CD99: variants seen among roughly 807,000 people sequenced by gnomAD.
CD99 encodes the protein CD99 molecule (Xg blood group).
A neutral mutation model predicts 28.4 loss-of-function variants in CD99; 19 were observed. That is an observed-to-expected ratio of 0.67 (90% CI 0.47 to 0.98). The LOEUF (loss-of-function observed/expected upper bound fraction) is 0.98, where lower values mean the gene tolerates loss of function less well. Ranked by LOEUF, CD99 falls within the 50% of genes least tolerant of loss-of-function variation. CD99 has a pLI of 0.00. For synonymous variants in CD99, 103 were observed against 92.1 expected, an observed-to-expected ratio of 1.12 and a Z score of -0.67; for missense variants, 283 against 248.8, an observed-to-expected ratio of 1.14 and a Z score of -0.92.
intron 2 of CD99, chrX:2,715,394 C>T (rs1304266863): frequency 1.3e-5 from 2 of 152,420 alleles, no homozygotes; most frequent in Non-Finnish European, 2.9e-5. Context: ...AGGGTCCTTC[C>T]TGCCTCTTGC....
intron 6 of CD99, 55 bp from the exon 7 acceptor site, chrX:2,723,259 G>A (rs1002146190): frequency 2.0e-5 from 32 of 1,591,984 alleles, no homozygotes; most frequent in Non-Finnish European, 2.6e-5. Context: ...TCCTGGCTGT[G>A]AATTTTTCCT....
At position 2,740,875 on chromosome X, in the gene CD99, AG is replaced by A. The variant is rs1263320872; in HGVS notation, c.*73del. On this transcript the variant is annotated 3_prime_UTR_variant, in exon 10 of 10. Coordinates refer to ENST00000381192, the MANE Select transcript of CD99 (RefSeq NM_002414.5). ...ACAGCTGCCTGAGGCTCCTCCCTGAAGGACACCTGCCTGAGAGCAGAGATGG... is the reference window on the plus strand; with the variant it reads ...ACAGCTGCCTGAGGCTCCTCCCTGAAGACACCTGCCTGAGAGCAGAGATGG... 2 of 1,536,234 alleles carry A rather than the reference AG, an allele frequency of 1.3e-6. No homozygotes were observed. The highest frequency in any genetic ancestry group is 1.8e-6 in the Non-Finnish European group (2 of 1,109,026).
At chrX:2,705,201 C>A (rs1391910339) in intron 1 of CD99, among the ~76,000 whole-genome samples, 2 of 152,206 alleles carry the variant, frequency 1.3e-5, no homozygotes, top group Non-Finnish European at 2.9e-5. Context: ...GCGGTTAAAT[C>A]TAAAGTGTAG....
At position 2,709,562 on chromosome X, in the gene CD99, T is replaced by C. The variant is rs771133029; in HGVS notation, c.68-4860T>C. On this transcript the variant is annotated intron_variant, in intron 1 of 9. Coordinates refer to ENST00000381192, the MANE Select transcript of CD99 (RefSeq NM_002414.5). ...AGTGCAATACATATATGCATGCACA[T>C]GTGTGCCCACACCATACACCCACAC... Among the ~76,000 whole-genome samples the C allele has an allele frequency of 8.8e-4, 134 of 152,380 alleles. No individual in the cohort carries two copies. The Middle Eastern group carries it at 0.01, about 12-fold the overall frequency.
chrX:2,741,173 G>A lies in CD99; in HGVS notation c.*369G>A, dbSNP rs1027063038. ...TACAAATCACGTGTCCATCGAGCAC[G>A]TCTGAAACCCCTGGTAGCCCCGACT... On this transcript the variant is annotated 3_prime_UTR_variant, in exon 10 of 10. Transcript: ENST00000381192. 15 of 279,030 alleles carry A rather than the reference G, an allele frequency of 5.4e-5. No individual in the cohort carries two copies. The highest frequency in any genetic ancestry group is 8.0e-5 in the Non-Finnish European group (12 of 150,380). The allele number at this position is 279,030 out of a possible 1,614,324, so 17.3% of individuals were successfully genotyped here.
chrX:2,714,701 A>G (rs1361140876), intron 2 of CD99: 1 of 381,872 alleles, frequency 2.6e-6, no homozygotes, highest in African/African-American at 2.1e-5. Context: ...TAAAAAATGC[A>G]GATACAGAGA....
chrX:2,729,928 G>A (rs2049502457), intron 8 of CD99, among the ~76,000 whole-genome samples: 1 of 152,266 alleles, frequency 6.6e-6, no homozygotes, highest in South Asian at 2.1e-4. Flanking sequence ...CAAGGAAAGA[G>A]GATTGCTTGA....
chrX:2,709,652 A>G (rs1037851235), intron 1 of CD99, among the ~76,000 whole-genome samples: 1 of 152,266 alleles, frequency 6.6e-6, no homozygotes, highest in African/African-American at 2.4e-5. Flanking sequence ...CGCGTATATG[A>G]AATACACATG....
At chrX:2,716,653 C>T (rs183478494) in intron 2 of CD99, among the ~76,000 whole-genome samples, 27 of 152,370 alleles carry the variant, frequency 1.8e-4, no homozygotes, top group African/African-American at 6.3e-4. Flanking sequence ...AGACACGAGC[C>T]ACTGCACCTC....
At chrX:2,713,694 C>T (rs2048552661) in intron 1 of CD99, among the ~76,000 whole-genome samples, 2 of 152,208 alleles carry the variant, frequency 1.3e-5, no homozygotes, top group African/African-American at 2.4e-5. Context: ...CACCCACCGC[C>T]AGGTGCTTCC....
chrX:2,695,215 T>C (rs1386565898), intron 1 of CD99, among the ~76,000 whole-genome samples: 3 of 151,000 alleles, frequency 2.0e-5, no homozygotes, highest in Admixed American at 2.0e-4. Flanking sequence ...GGAAAAGTCT[T>C]TTTTTTTTGA....
At chrX:2,713,639 T>TC (rs756537354) in intron 1 of CD99, among the ~76,000 whole-genome samples, 116 of 152,296 alleles carry the variant, frequency 7.6e-4, no homozygotes, top group African/African-American at 2.7e-3. Flanking sequence ...TGGACACACT[T>TC]CCGGTGTTCA....
At chrX:2,733,949 C>A (rs1474885111) in intron 8 of CD99, among the ~76,000 whole-genome samples, 4 of 152,196 alleles carry the variant, frequency 2.6e-5, no homozygotes, top group Admixed American at 2.0e-4. Context: ...CCTAGAAAAA[C>A]AAAATTCATA....
At chrX:2,698,739 C>T (rs311038) in intron 1 of CD99, among the ~76,000 whole-genome samples, 66,676 of 151,910 alleles carry the variant, frequency 0.44, 15,404 homozygotes, top group Admixed American at 0.52. Context: ...AACTGTGATG[C>T]CCATCCCTCC....
At chrX:2,702,886 A>T (rs2047929923) in intron 1 of CD99, among the ~76,000 whole-genome samples, 1 of 151,864 alleles carries the variant, frequency 6.6e-6, no homozygotes, top group Non-Finnish European at 1.5e-5. Context: ...TGTTCAAGTG[A>T]TTCTCCTGCC....
intron 8 of CD99, among the ~76,000 whole-genome samples, chrX:2,737,645 C>T (rs1404218745): frequency 1.3e-5 from 2 of 151,706 alleles, no homozygotes; most frequent in Non-Finnish European, 2.9e-5. Context: ...TAGGTGCACG[C>T]CACCACGCCC....
At chrX:2,720,045 C>G (rs959768189) in intron 4 of CD99, among the ~76,000 whole-genome samples, 1 of 152,190 alleles carries the variant, frequency 6.6e-6, no homozygotes, top group African/African-American at 2.4e-5. Context: ...TGGTTTACTG[C>G]TCTGTTGCCG....
At chrX:2,705,504 C>T (rs311051) in intron 1 of CD99, among the ~76,000 whole-genome samples, 72,504 of 151,928 alleles carry the variant, frequency 0.48, 17,669 homozygotes, top group South Asian at 0.54. Context: ...TGTGTTTATG[C>T]GGTTGCACAT....
chrX:2,715,224 G>A (rs1325138851), intron 2 of CD99: 1 of 152,184 alleles, frequency 6.6e-6, no homozygotes, highest in Non-Finnish European at 1.5e-5. Context: ...CAGCTTCTGG[G>A]TCTTGTCATC....
Sources: gnomAD v4.1 joint callset for allele counts (sites outside exome capture counted in the v4.1 genomes callset) on GRCh38, gnomAD v4.1.1 for gene constraint, MANE v1.5 for transcripts, NCBI Gene and HGNC (gene_info 2026-07-23, HGNC 2026-07-21) for gene names.